CCDC74B: variants seen among roughly 807,000 people sequenced by gnomAD.
CCDC74B encodes the protein coiled-coil domain containing 74B, also known as coiled-coil domain-containing protein 74B.
Under a neutral mutation model 38.0 loss-of-function variants are expected in CCDC74B, and 34 were observed. That is an observed-to-expected ratio of 0.89 (90% CI 0.68 to 1.19). The LOEUF (loss-of-function observed/expected upper bound fraction) is 1.19. CCDC74B is among the 50% of genes most tolerant of loss of function. CCDC74B has a pLI of 0.00. For missense variants in CCDC74B, 358 were observed against 406.0 expected (o/e 0.88, Z 1.02); for synonymous variants, 132 against 170.4 (o/e 0.77, Z 1.76).
intron 2 of CCDC74B, chr2:130,142,750 G>A (rs2104756657): frequency 6.5e-7 from 1 of 1,548,984 alleles, no homozygotes; most frequent in African/African-American, 1.4e-5. Flanking sequence ...GTCAGGATGG[G>A]GAAGTGCCTT....
chr2:130,140,351 G>C lies in CCDC74B; in HGVS notation c.506C>G (p.Ser169Cys). 1 of 1,596,822 alleles carries C rather than the reference G, an allele frequency of 6.3e-7. No homozygotes were observed. The highest frequency in any genetic ancestry group is 1.7e-5 in the Admixed American group (1 of 58,470). The change falls in exon 5 of 8, where the codon TCT (serine) becomes TGT (cysteine). Residue 169 changes from serine (S) to cysteine (C), a missense_variant. By Grantham distance (112) the Ser-to-Cys change is moderately radical. Coordinates refer to ENST00000409943, the MANE Select transcript of CCDC74B (RefSeq NM_001258307.2). ...CCCCATACAGGCAGCTCCTGCGTTA[G>C]AGGCCTCTGCTTTCTCCTTTCTGAA... is the stretch of plus-strand genomic sequence containing the variant. ...GQARKEKAEA[S>C]NAGAACMGNS... is the part of the protein sequence containing the mutation.
At position 130,142,743 on chromosome 2, in the gene CCDC74B, A is replaced by C. The variant is rs924051278; in HGVS notation, c.295+526T>G. 3 of 1,548,694 alleles carry C rather than the reference A, an allele frequency of 1.9e-6. No homozygotes were observed. The African/African-American group carries it at 4.1e-5, about 21-fold the overall frequency. ...CCTGGGCTGGGTGGGGGCCGCTGTCAGGATGGGGAAGTGCCTTGGACAAGT... is the reference window on the plus strand; with the variant it reads ...CCTGGGCTGGGTGGGGGCCGCTGTCCGGATGGGGAAGTGCCTTGGACAAGT... On this transcript the variant is annotated intron_variant, in intron 2 of 7. Transcript: ENST00000409943.
Position 130,142,920 on chromosome 2 carries a change from C to T in CCDC74B, c.295+349G>A, listed in dbSNP as rs1262571225. On this transcript the variant is annotated intron_variant, in intron 2 of 7. Coordinates refer to ENST00000409943, the MANE Select transcript of CCDC74B (RefSeq NM_001258307.2). ...TAGGGCTGGAGATCCTGGGCCTGGC[C>T]ACAGCAGCAATCTGAGGCAAAGATC... 19 of 1,550,340 alleles carry T rather than the reference C, an allele frequency of 1.2e-5. No homozygotes were observed. The East Asian group carries it at 4.4e-4, about 36-fold the overall frequency.
chr2:130,142,254 C>T (rs1485100878), intron 2 of CCDC74B, 71 bp from the exon 3 acceptor site: 1 of 1,586,998 alleles, frequency 6.3e-7, no homozygotes. Context: ...GCCTGTGTGT[C>T]CGTGAGGAGC....
At chr2:130,144,715 C>T (rs779449848) in intron 1 of CCDC74B, 32 bp downstream of exon 1, 5 of 1,607,236 alleles carry the variant, frequency 3.1e-6, no homozygotes, top group African/African-American at 1.3e-5. Context: ...CCTGGGGAGG[C>T]AGGGCCGGCC....
Position 130,140,080 on chromosome 2 carries a change from G to T in CCDC74B, c.695C>A (p.Ser232Tyr). The T allele has an allele frequency of 3.7e-6, 6 of 1,612,826 alleles. No individual in the cohort carries two copies. Among genetic ancestry groups the T allele is most frequent in the Non-Finnish European group, 4.2e-6 (5 of 1,179,730 alleles). Residue 232 changes from serine (S) to tyrosine (Y), a missense_variant, in exon 6 of 8, where the codon TCC (serine) becomes TAC (tyrosine). By Grantham distance (144) the Ser-to-Tyr change is moderately radical (BLOSUM62 -2). Around this residue, in one of 3 missense-constraint regions of CCDC74B, gnomAD observed 213 missense variants for 212.3 expected, o/e 1.00. Transcript: ENST00000409943. Reference sequence around the variant, plus strand: ...GGGCCTCTGGCTCCCTTCCAGGAGGGACTTGAGGTGCTGCAGCTGAAAGGC... The same window carrying T: ...GGGCCTCTGGCTCCCTTCCAGGAGGTACTTGAGGTGCTGCAGCTGAAAGGC... Reference protein sequence around the residue: ...LQTQELQHLKSLLEGSQRPQA... With the variant: ...LQTQELQHLKYLLEGSQRPQA...
chr2:130,139,426 T>C lies in CCDC74B; in HGVS notation c.*129A>G. The C allele has an allele frequency of 1.7e-6, 2 of 1,171,488 alleles. No homozygotes were observed. Among genetic ancestry groups the C allele is most frequent in the Non-Finnish European group, 2.4e-6 (2 of 845,286 alleles). The allele number at this position is 1,171,488 out of a possible 1,614,324, so 72.6% of individuals were successfully genotyped here. A position where few individuals can be genotyped will look rare whatever the true frequency, so the allele number is the denominator to read the frequency against. On this transcript the variant is annotated 3_prime_UTR_variant, in exon 8 of 8. Transcript: ENST00000409943. ...GTCAGTTTGGAGATCAAGTACTTTA[T>C]CTATCTTGAGTGTTATCTATCTTGG...
intron 1 of CCDC74B, 169 bp downstream of exon 1, chr2:130,144,578 C>T (rs986686907): frequency 1.9e-6 from 3 of 1,549,938 alleles, no homozygotes; most frequent in Non-Finnish European, 2.6e-6. Context: ...GCGGGTCTCC[C>T]TCTGGGAGGA....
chr2:130,140,906 C>T lies in CCDC74B; in HGVS notation c.485+252G>A, dbSNP rs1262070554. On this transcript the variant is annotated intron_variant, in intron 4 of 7. Transcript: ENST00000409943. ...GTGGTTTAGGGGCCGCTACTGGCCCCCCTCGTGGGCTCAGGTCAGCACAGG... is the reference window on the plus strand; with the variant it reads ...GTGGTTTAGGGGCCGCTACTGGCCCTCCTCGTGGGCTCAGGTCAGCACAGG... 2.0e-5 allele frequency: 7 copies of T among 349,092 alleles called. 1 individual carries two copies. Among genetic ancestry groups the T allele is most frequent in the South Asian group, 7.4e-5 (2 of 27,012 alleles). 21.6% of individuals were successfully genotyped at this position (349,092 alleles called of 1,614,324 possible). A position where few individuals can be genotyped will look rare whatever the true frequency, so the allele number is the denominator to read the frequency against.
chr2:130,140,590 C>T (rs1685546546), intron 4 of CCDC74B: 1 of 550,234 alleles, frequency 1.8e-6, no homozygotes, highest in African/African-American at 1.9e-5. Context: ...AGATGGGCTT[C>T]AGTGGGTGAC....
At chr2:130,142,874 G>C (rs768044162) in intron 2 of CCDC74B, 21 of 1,550,294 alleles carry the variant, frequency 1.4e-5, no homozygotes, top group Non-Finnish European at 1.8e-5. Flanking sequence ...TGGGCCCCCA[G>C]CATGTCAGGA....
Position 130,139,672 on chromosome 2 carries a change from A to G in CCDC74B, c.828T>C (p.Pro276=). 6.2e-7 allele frequency: 1 copy of G among 1,613,152 alleles called. No homozygotes were observed. Among genetic ancestry groups the G allele is most frequent in the Non-Finnish European group, 8.5e-7 (1 of 1,179,970 alleles). The change falls in exon 8 of 8, where the codon CCT becomes CCC. Residue 276 remains proline (P), a synonymous_variant. Transcript: ENST00000409943. ...LSKKCLLLSP[P]VAERAILPAL... The stretch of plus-strand genomic sequence containing the variant: ...CGGGCAGGATGGCACGCTCCGCCAC[A>G]GGTGGGCTCAGAAGCAGGCTGGGGG...
intron 1 of CCDC74B, among the ~76,000 whole-genome samples, chr2:130,143,637 G>C (rs555972616): frequency 6.6e-6 from 1 of 152,170 alleles, no homozygotes; most frequent in African/African-American, 2.4e-5. Context: ...TGGCTATGGC[G>C]GTGTCATGAT....
At chr2:130,142,711 C>G in intron 2 of CCDC74B, 1 of 1,547,182 alleles carries the variant, frequency 6.5e-7, no homozygotes, top group Non-Finnish European at 8.7e-7. Context: ...AGACCACAAC[C>G]CAGAATCCTG....
rs769904897 is a variant in CCDC74B, at chr2:130,144,426, G to A, written c.250+321C>T. 1.7e-5 allele frequency: 20 copies of A among 1,201,716 alleles called. No homozygotes were observed. The South Asian group carries it at 2.1e-4, about 13-fold the overall frequency. 74.4% of individuals were successfully genotyped at this position (1,201,716 alleles called of 1,614,324 possible). A position where few individuals can be genotyped will look rare whatever the true frequency, so the allele number is the denominator to read the frequency against. On this transcript the variant is annotated intron_variant, in intron 1 of 7. Transcript: ENST00000409943. The stretch of plus-strand genomic sequence containing the variant: ...AGTGCTGGAATTACAGGCGTGAGCC[G>A]CCGCGCCCGGGCCCCTCTATAAAGT...
chr2:130,140,415 C>T (rs1464370028), intron 4 of CCDC74B, 44 bp from the exon 5 acceptor site: 12 of 1,510,124 alleles, frequency 7.9e-6, no homozygotes, highest in African/African-American at 1.4e-5. Flanking sequence ...TGCCCAGGTG[C>T]GTCTAACCAC....
chr2:130,143,017 C>T (rs1327051907), intron 2 of CCDC74B: 12 of 1,495,912 alleles, frequency 8.0e-6, no homozygotes, highest in Non-Finnish European at 1.1e-5. Context: ...GTCTGGGGAG[C>T]ACCCTGTGCC....
rs1233819275 is a variant in CCDC74B, at chr2:130,144,899, G to A, written c.98C>T (p.Ser33Phe). The A allele has an allele frequency of 6.3e-7, 1 of 1,595,270 alleles. No individual in the cohort carries two copies. Among genetic ancestry groups the A allele is most frequent in the South Asian group, 1.1e-5 (1 of 87,752 alleles). Residue 33 changes from serine to phenylalanine, a missense_variant, in exon 1 of 8, where the codon TCC becomes TTC. Around this residue, in one of 3 missense-constraint regions of CCDC74B, gnomAD observed 128 missense variants for 146.7 expected, o/e 0.87. Transcript: ENST00000409943. ...RRQRPSVGVQ[S>F]LRPQSPQLRQ... ...GAGCTGCGGGCTCTGCGGCCTCAAG[G>A]ACTGGACGCCCACAGAGGGGCGCTG...
At chr2:130,139,752 G>A in intron 7 of CCDC74B, 62 bp from the exon 8 acceptor site, 2 of 1,608,526 alleles carry the variant, frequency 1.2e-6, no homozygotes, top group South Asian at 2.2e-5. Flanking sequence ...TGTGGGGAGT[G>A]CGGCCTGCAT....
Sources: gnomAD v4.1 joint callset for allele counts (sites outside exome capture counted in the v4.1 genomes callset) on GRCh38, gnomAD v4.1.1 for gene constraint, gnomAD v4.1.1 regional missense constraint, MANE v1.5 for transcripts, NCBI Gene and HGNC (gene_info 2026-07-23, HGNC 2026-07-21) for gene names.